Variants in ASAP2 observed in about 807,000 individuals in gnomAD.
The protein encoded by ASAP2 is arf-GAP with SH3 domain, ANK repeat and PH domain-containing protein 2.
In ASAP2, 45 loss-of-function variants were observed where a neutral mutation model predicts 131.4. That is an observed-to-expected ratio of 0.34 (90% CI 0.27 to 0.44). The LOEUF (loss-of-function observed/expected upper bound fraction) is 0.44. ASAP2 is among the 20% of genes least tolerant of loss of function. The pLI is 1.00. For missense variants in ASAP2, 1,011 were observed against 1,297.0 expected, an observed-to-expected ratio of 0.78 and a Z score of 3.39; for synonymous variants, 510 against 503.0, an observed-to-expected ratio of 1.01 and a Z score of -0.19.
At chr2:9,364,122 G>C (rs564692489) in intron 15 of ASAP2, among the ~76,000 whole-genome samples, 46 of 152,270 alleles carry the variant, frequency 3.0e-4, no homozygotes, top group African/African-American at 1.0e-3. Flanking sequence ...ACTGGTACTA[G>C]GGTACTACTA....
At chr2:9,258,134 A>G (rs1186010632) in intron 1 of ASAP2, among the ~76,000 whole-genome samples, 1 of 151,752 alleles carries the variant, frequency 6.6e-6, no homozygotes, top group Non-Finnish European at 1.5e-5. Flanking sequence ...CTTTCCATCT[A>G]TTTTGAGAAA....
chr2:9,315,646 G>C (rs143741595), intron 3 of ASAP2, among the ~76,000 whole-genome samples: 203 of 152,282 alleles, frequency 1.3e-3, no homozygotes, highest in African/African-American at 4.7e-3. Flanking sequence ...TCACTCACCT[G>C]TCTGGCTGCC....
intron 24 of ASAP2, chr2:9,399,763 C>G: frequency 3.7e-6 from 2 of 534,056 alleles, no homozygotes; most frequent in Non-Finnish European, 6.7e-6. Flanking sequence ...ACTCCAGACC[C>G]TGGCCATCGG....
chr2:9,264,580 T>C (rs770650349), intron 1 of ASAP2, among the ~76,000 whole-genome samples: 14 of 152,198 alleles, frequency 9.2e-5, no homozygotes, highest in Non-Finnish European at 1.6e-4. Flanking sequence ...TATTAATCTT[T>C]CCCATGCAAG....
intron 11 of ASAP2, among the ~76,000 whole-genome samples, chr2:9,348,164 C>T (rs1367792493): frequency 1.3e-5 from 2 of 152,126 alleles, no homozygotes; most frequent in East Asian, 1.9e-4. Context: ...GACGGAGTCT[C>T]GCTGTGTTGC....
chr2:9,320,333 A>G lies in ASAP2; in HGVS notation c.466A>G (p.Lys156Glu). 1 of 1,609,064 alleles carries G rather than the reference A, an allele frequency of 6.2e-7. No homozygotes were observed. The highest frequency in any genetic ancestry group is 8.5e-7 in the Non-Finnish European group (1 of 1,178,194). ...TAAAGCTTGGAAGGACTATGAAACA[A>G]AAATGTGAGTGTTCTCGTTTTTAAA... ...FDKAWKDYETKITKIEKEKKE... is the reference protein window; with the variant it reads ...FDKAWKDYETEITKIEKEKKE... The change falls in exon 5 of 28, where the codon AAA (lysine) becomes GAA (glutamate). Residue 156 changes from lysine (K) to glutamate (E), a missense_variant. Lys to Glu is a moderately conservative substitution (Grantham distance 56, BLOSUM62 1). This residue lies in a region of ASAP2 where 359 missense variants were observed against 598.1 expected (regional missense o/e 0.60). Transcript: ENST00000281419.
At chr2:9,223,644 A>T (rs1662577033) in intron 1 of ASAP2, among the ~76,000 whole-genome samples, 1 of 152,224 alleles carries the variant, frequency 6.6e-6, no homozygotes, top group South Asian at 2.1e-4. Flanking sequence ...AATGACCCCC[A>T]ATGAAGTAGA....
chr2:9,400,743 G>A lies in ASAP2; in HGVS notation c.2736G>A (p.Val912=). The A allele has an allele frequency of 6.2e-7, 1 of 1,613,330 alleles. No homozygotes were observed. Among genetic ancestry groups the A allele is most frequent in the Non-Finnish European group, 8.5e-7 (1 of 1,179,602 alleles). ...LTNKGQPRGP[V]DLSATEALGP... ...AGCTGCTTCATTTTTGCCCTACAGT[G>A]GATCTCTCTGCAACGGAAGCTCTGG... The change falls in exon 26 of 28, where the codon GTG becomes GTA. Residue 912 remains valine, a splice_region_variant and synonymous_variant. Coordinates refer to ENST00000281419, the MANE Select transcript of ASAP2 (RefSeq NM_003887.3).
In ASAP2 at chr2:9,320,225, T is replaced by G. The variant is rs572522577; in HGVS notation, c.421-63T>G. On this transcript the variant is annotated intron_variant, in intron 4 of 27. Transcript: ENST00000281419. ...CTTTCAGGGCTAGTACAGGGATAAG[T>G]AAGTTTATCTTGCACAGAAGTGAAT... The G allele has an allele frequency of 2.3e-4, 312 of 1,378,682 alleles. No homozygotes were observed. In the African/African-American group the frequency reaches 3.4e-3, roughly 15 times the overall value. 85.4% of individuals were successfully genotyped at this position (1,378,682 alleles called of 1,614,324 possible).
At chr2:9,394,094 A>T (rs1271606630) in intron 24 of ASAP2, among the ~76,000 whole-genome samples, 6 of 149,840 alleles carry the variant, frequency 4.0e-5, no homozygotes, top group Admixed American at 4.0e-4. Context: ...CAATCCTTAG[A>T]CCCAGGTCAA....
At chr2:9,364,577 T>C (rs1475949625) in intron 15 of ASAP2, among the ~76,000 whole-genome samples, 1 of 152,214 alleles carries the variant, frequency 6.6e-6, no homozygotes, top group Non-Finnish European at 1.5e-5. Flanking sequence ...CAGCTTTCTG[T>C]TTCTTGACTT....
intron 2 of ASAP2, among the ~76,000 whole-genome samples, chr2:9,288,724 C>A (rs1667618150): frequency 6.6e-6 from 1 of 152,140 alleles, no homozygotes; most frequent in South Asian, 2.1e-4. Flanking sequence ...TGGCTTTGAA[C>A]CCCAGACACC....
At chr2:9,212,560 T>TCAGGTG (rs1182329894) in intron 1 of ASAP2, among the ~76,000 whole-genome samples, 1 of 152,144 alleles carries the variant, frequency 6.6e-6, no homozygotes, top group Non-Finnish European at 1.5e-5. Context: ...ACCTGGTCTC[T>TCAGGTG]AGAGGGCTGC....
At chr2:9,363,863 C>A (rs1369931989) in intron 15 of ASAP2, among the ~76,000 whole-genome samples, 1 of 152,216 alleles carries the variant, frequency 6.6e-6, no homozygotes. Context: ...CATGAACCGC[C>A]TGCAGCCTAG....
At chr2:9,265,181 G>T (rs1355276574) in intron 1 of ASAP2, among the ~76,000 whole-genome samples, 1 of 152,148 alleles carries the variant, frequency 6.6e-6, no homozygotes, top group Non-Finnish European at 1.5e-5. Flanking sequence ...TAAAAATACA[G>T]TGTAACAACT....
intron 1 of ASAP2, among the ~76,000 whole-genome samples, chr2:9,216,916 A>C (rs1013277901): frequency 1.6e-4 from 24 of 151,918 alleles, no homozygotes; most frequent in African/African-American, 5.8e-4. Flanking sequence ...TGTCTTTTCT[A>C]ACATTTATGG....
intron 1 of ASAP2, among the ~76,000 whole-genome samples, chr2:9,269,919 C>A (rs1385758399): frequency 6.6e-6 from 1 of 152,230 alleles, no homozygotes; most frequent in East Asian, 1.9e-4. Flanking sequence ...TCCCCGTCCC[C>A]TGTCCTGGCT....
At chr2:9,216,083 G>A (rs1662002654) in intron 1 of ASAP2, among the ~76,000 whole-genome samples, 1 of 152,152 alleles carries the variant, frequency 6.6e-6, no homozygotes, top group South Asian at 2.1e-4. Context: ...GTGTCACACG[G>A]CATGTACTGC....
intron 1 of ASAP2, among the ~76,000 whole-genome samples, chr2:9,252,314 C>T (rs1664764808): frequency 6.6e-6 from 1 of 152,232 alleles, no homozygotes; most frequent in African/African-American, 2.4e-5. Context: ...TGCGCAGTGG[C>T]TCTTGCCTGT....
Sources: gnomAD v4.1 joint callset for allele counts (sites outside exome capture counted in the v4.1 genomes callset) on GRCh38, gnomAD v4.1.1 for gene constraint, gnomAD v4.1.1 regional missense constraint, MANE v1.5 for transcripts, NCBI Gene and HGNC (gene_info 2026-07-23, HGNC 2026-07-21) for gene names.